Variants in STAM observed in about 807,000 individuals in gnomAD.
STAM encodes signal transducing adapter molecule 1.
A neutral mutation model predicts 63.4 loss-of-function variants in STAM; 16 were observed. That is an observed-to-expected ratio of 0.25 (90% CI 0.17 to 0.38). The LOEUF is 0.38. STAM is among the 10% of genes least tolerant of loss of function. The pLI is 1.00. For missense variants in STAM, 636 were observed against 657.1 expected (o/e 0.97, Z 0.35); for synonymous variants, 238 against 223.9 (o/e 1.06, Z -0.56).
At chr10:17,686,250 T>C (rs1325494319) in intron 4 of STAM, among the ~76,000 whole-genome samples, 3 of 152,236 alleles carry the variant, frequency 2.0e-5, no homozygotes, top group Non-Finnish European at 4.4e-5. Context: ...AAATGTGGTA[T>C]ACTTACCTAT....
intron 1 of STAM, among the ~76,000 whole-genome samples, chr10:17,658,367 G>A (rs1834026539): frequency 6.6e-6 from 1 of 152,096 alleles, no homozygotes; most frequent in Admixed American, 6.5e-5. Context: ...GTCTGTCTTG[G>A]TGAATGCTGC....
At chr10:17,691,449 C>T (rs1344884443) in intron 5 of STAM, among the ~76,000 whole-genome samples, 1 of 152,088 alleles carries the variant, frequency 6.6e-6, no homozygotes, top group African/African-American at 2.4e-5. Flanking sequence ...ACCCGGGAGG[C>T]GGAGCTTGCA....
rs186317937 is a variant in STAM at position 17,715,777 on chromosome 10, C to G, written c.*997C>G. On this transcript the variant is annotated 3_prime_UTR_variant, in exon 14 of 14. Transcript: ENST00000377524. ...GAATTACACTACATTTTCGAAGTCT[C>G]TTGTAATTATTTGGGATATCAACAA... 6 of 152,550 alleles carry G rather than the reference C, an allele frequency of 3.9e-5. No homozygotes were observed. The highest frequency in any genetic ancestry group is 1.4e-4 in the African/African-American group (6 of 41,430). The allele number at this position is 152,550 out of a possible 1,614,324, so 9.4% of individuals were successfully genotyped here.
At chr10:17,663,161 C>T (rs908630642) in intron 2 of STAM, among the ~76,000 whole-genome samples, 1 of 152,082 alleles carries the variant, frequency 6.6e-6, no homozygotes, top group Non-Finnish European at 1.5e-5. Flanking sequence ...TATGTTGTAG[C>T]ACAAAGCTGT....
chr10:17,667,922 C>T (rs1044800452), intron 2 of STAM, among the ~76,000 whole-genome samples: 6 of 152,126 alleles, frequency 3.9e-5, no homozygotes, highest in African/African-American at 1.4e-4. Context: ...CCTGAATGAG[C>T]GCAGAGCTGG....
At chr10:17,706,528 G>A (rs985228220) in intron 12 of STAM, among the ~76,000 whole-genome samples, 19 of 151,888 alleles carry the variant, frequency 1.3e-4, no homozygotes, top group South Asian at 2.1e-4. Context: ...ACAGGCGCCC[G>A]TCACCACGCC....
In STAM at chr10:17,686,437, C is replaced by T. The variant is rs190689750; in HGVS notation, c.297+1510C>T. ...TGTCACCCAGGCTGGAGTACAGTGG[C>T]GTGATCTCAGCTGACTATAGCCTCT... On this transcript the variant is annotated intron_variant, in intron 4 of 13. Transcript: ENST00000377524. 1.5e-4 allele frequency among the ~76,000 whole-genome samples: 22 copies of T among 148,416 alleles called. 1 individual carries two copies. In the East Asian group the frequency reaches 3.9e-3, roughly 27 times the overall value.
intron 8 of STAM, among the ~76,000 whole-genome samples, chr10:17,698,025 G>T (rs1313772159): frequency 6.6e-6 from 1 of 152,092 alleles, no homozygotes; most frequent in African/African-American, 2.4e-5. Context: ...TAGAATAAAT[G>T]ATACAGAAAT....
intron 13 of STAM, among the ~76,000 whole-genome samples, chr10:17,712,425 G>A (rs1466621703): frequency 6.6e-6 from 1 of 152,158 alleles, no homozygotes; most frequent in Non-Finnish European, 1.5e-5. Context: ...CATATGGAGT[G>A]ATGACAAATA....
At chr10:17,707,474 T>C (rs1554829440) in intron 12 of STAM, among the ~76,000 whole-genome samples, 1 of 151,986 alleles carries the variant, frequency 6.6e-6, no homozygotes, top group Non-Finnish European at 1.5e-5. Flanking sequence ...ATTTTTTCCA[T>C]GTAAAGTGGG....
chr10:17,652,522 A>G (rs777834877), intron 1 of STAM, among the ~76,000 whole-genome samples: 9 of 152,248 alleles, frequency 5.9e-5, no homozygotes, highest in African/African-American at 2.2e-4. Context: ...ATAGCACTCA[A>G]CTATGATAGT....
At position 17,649,944 on chromosome 10, in the gene STAM, C is replaced by G. The variant is rs76592203; in HGVS notation, c.40+5565C>G. Among the ~76,000 whole-genome samples, 805 of 152,298 alleles carry G rather than the reference C, an allele frequency of 5.3e-3. 13 individuals carry two copies. Among genetic ancestry groups the G allele is most frequent in the African/African-American group, 0.019 (780 of 41,568 alleles). ...GGTAATATTTTAGTGTTGTAGTTAT[C>G]TTGACTTGAAACCCAAGAGGCATCT... On this transcript the variant is annotated intron_variant, in intron 1 of 13. Coordinates refer to ENST00000377524, the MANE Select transcript of STAM (RefSeq NM_003473.4).
intron 13 of STAM, among the ~76,000 whole-genome samples, chr10:17,711,286 A>G (rs1466683879): frequency 6.6e-6 from 1 of 152,194 alleles, no homozygotes; most frequent in African/African-American, 2.4e-5. Context: ...TTCTAAAGCT[A>G]CCTGTAGCGA....
intron 5 of STAM, among the ~76,000 whole-genome samples, chr10:17,688,577 C>T (rs948554041): frequency 3.3e-5 from 5 of 151,952 alleles, no homozygotes; most frequent in Non-Finnish European, 7.4e-5. Flanking sequence ...ATTCTCCTGC[C>T]GCAGCCTCCT....
chr10:17,644,409 C>T, intron 1 of STAM, 30 bp downstream of exon 1: 1 of 1,613,808 alleles, frequency 6.2e-7, no homozygotes, highest in East Asian at 2.2e-5. Flanking sequence ...CCTGCCCATT[C>T]CTCACCGGAC....
intron 5 of STAM, among the ~76,000 whole-genome samples, chr10:17,692,839 T>A (rs373793472): frequency 9.8e-5 from 15 of 152,320 alleles, no homozygotes; most frequent in African/African-American, 3.6e-4. Context: ...TACAGTTTTT[T>A]TTTTAACTAT....
chr10:17,682,234 G>C (rs111847376), intron 2 of STAM, among the ~76,000 whole-genome samples: 75 of 152,294 alleles, frequency 4.9e-4, no homozygotes, highest in African/African-American at 1.8e-3. Context: ...AAATGAAATA[G>C]TATTGTCAGT....
chr10:17,674,377 C>T (rs1489436983), intron 2 of STAM, among the ~76,000 whole-genome samples: 1 of 152,132 alleles, frequency 6.6e-6, no homozygotes, highest in Non-Finnish European at 1.5e-5. Context: ...TGCGTGGGGT[C>T]TGTCATGAAG....
intron 6 of STAM, 74 bp from the exon 7 acceptor site, chr10:17,694,975 G>C (rs1835691197): frequency 1.4e-6 from 2 of 1,379,932 alleles, no homozygotes; most frequent in African/African-American, 1.5e-5. Flanking sequence ...CTTTTATCTT[G>C]ATGTCTTTTT....
Sources: gnomAD v4.1 joint callset for allele counts (sites outside exome capture counted in the v4.1 genomes callset) on GRCh38, gnomAD v4.1.1 for gene constraint, MANE v1.5 for transcripts, NCBI Gene and HGNC (gene_info 2026-07-23, HGNC 2026-07-21) for gene names.